The following LITAF variants were observed in gnomAD, a reference collection of about 807,000 sequenced individuals.
LITAF encodes the protein lipopolysaccharide-induced tumor necrosis factor-alpha factor.
LITAF carries 9 observed loss-of-function variants against 14.5 expected under a neutral mutation model. The ratio of observed to expected loss-of-function variants is 0.62; its 90% confidence interval spans 0.37 to 1.08. The LOEUF (loss-of-function observed/expected upper bound fraction) is 1.08, where lower values mean the gene tolerates loss of function less well. Ranked by LOEUF, LITAF falls within the 50% of genes least tolerant of loss-of-function variation. LITAF has a pLI of 0.01. For synonymous variants in LITAF, 98 were observed against 88.2 expected, an observed-to-expected ratio of 1.11 and a Z score of -0.62; for missense variants, 206 against 213.4, an observed-to-expected ratio of 0.97 and a Z score of 0.22.
chr16:11,596,125 T>C (rs1363179423), intron 1 of LITAF, among the ~76,000 whole-genome samples: 1 of 152,114 alleles, frequency 6.6e-6, no homozygotes, highest in Non-Finnish European at 1.5e-5. Context: ...CTGTAATTAA[T>C]GGGTCAACCC....
chr16:11,623,402 C>T (rs1007010331), intron 3 of LITAF, among the ~76,000 whole-genome samples: 1 of 152,004 alleles, frequency 6.6e-6, no homozygotes, highest in Non-Finnish European at 1.5e-5. Context: ...TGGCTCACAC[C>T]TGTAACCCCA....
intron 1 of LITAF, among the ~76,000 whole-genome samples, chr16:11,592,451 C>T (rs947935369): frequency 6.6e-6 from 1 of 151,912 alleles, no homozygotes; most frequent in African/African-American, 2.4e-5. Flanking sequence ...TGACAGGCAC[C>T]TGTGGTCCCA....
intron 3 of LITAF, among the ~76,000 whole-genome samples, chr16:11,613,524 A>G (rs1408975121): frequency 6.6e-6 from 1 of 152,178 alleles, no homozygotes; most frequent in Non-Finnish European, 1.5e-5. Flanking sequence ...GTGATTCACA[A>G]TCTTCCCTAG....
upstream of LITAF, among the ~76,000 whole-genome samples, chr16:11,598,723 G>C (rs1423917274): frequency 1.3e-5 from 2 of 152,140 alleles, no homozygotes; most frequent in East Asian, 3.8e-4. Context: ...CTCCCTTCCA[G>C]AACCTATGTT....
chr16:11,589,619 C>CTT (rs60950577), upstream of LITAF, among the ~76,000 whole-genome samples: 531 of 103,868 alleles, frequency 5.1e-3, 13 homozygotes, highest in East Asian at 6.9e-3. Context: ...AAATCAGTTG[C>CTT]TTTTTTTTTT....
At chr16:11,639,318 G>T (rs1389985211), upstream of LITAF, among the ~76,000 whole-genome samples, 1 of 151,116 alleles carries the variant, frequency 6.6e-6, no homozygotes, top group African/African-American at 2.4e-5. Context: ...GATAGACGGG[G>T]CATGGATAGA....
rs2141841408 is a variant in LITAF, at chr16:11,586,101, A to C, written c.-6+785T>G. 1 of 152,542 alleles carries C rather than the reference A, an allele frequency of 6.6e-6. No homozygotes were observed. Among genetic ancestry groups the C allele is most frequent in the East Asian group, 1.9e-4 (1 of 5,184 alleles). The allele number at this position is 152,542 out of a possible 1,614,324, so 9.4% of individuals were successfully genotyped here. On this transcript the variant is annotated intron_variant, in intron 1 of 3. Coordinates refer to ENST00000622633, the MANE Select transcript of LITAF (RefSeq NM_001136472.2). This position sits in a 1 kb window ranked among gnomAD's most constrained non-coding sequence, Gnocchi z 6.5. ...GCCTAGCTTGGCAGGGAGGGGCGAG[A>C]TCCACTTCTGCCACCAGTCACCAGC... is the stretch of plus-strand genomic sequence containing the variant.
At chr16:11,573,260 A>T (rs1300710089) in intron 1 of LITAF, among the ~76,000 whole-genome samples, 1 of 152,106 alleles carries the variant, frequency 6.6e-6, no homozygotes, top group Admixed American at 6.6e-5. Context: ...CCCATAACCA[A>T]TGCCATGATA....
chr16:11,559,340 A>G (rs556215665), intron 1 of LITAF, among the ~76,000 whole-genome samples: 1 of 152,190 alleles, frequency 6.6e-6, no homozygotes, highest in Non-Finnish European at 1.5e-5. Flanking sequence ...TTACTTGCCA[A>G]TGAATTTTTA....
At chr16:11,592,234 A>T (rs1339760522), upstream of LITAF, among the ~76,000 whole-genome samples, 8 of 152,202 alleles carry the variant, frequency 5.3e-5, no homozygotes, top group Non-Finnish European at 1.0e-4. Context: ...TTATATAAAG[A>T]ACTTTTACAA....
At chr16:11,626,718 C>T (rs2065086154) in intron 3 of LITAF, among the ~76,000 whole-genome samples, 2 of 151,930 alleles carry the variant, frequency 1.3e-5, no homozygotes, top group African/African-American at 2.4e-5. Flanking sequence ...GTGATCCGCC[C>T]ACCTTGGCCT....
intron 1 of LITAF, among the ~76,000 whole-genome samples, chr16:11,579,405 T>C (rs1324491621): frequency 6.6e-6 from 1 of 151,350 alleles, no homozygotes; most frequent in Non-Finnish European, 1.5e-5. Flanking sequence ...GAGCCGAGAT[T>C]GCGCCACTGC....
chr16:11,623,754 G>C (rs774975340), intron 3 of LITAF, among the ~76,000 whole-genome samples: 1 of 151,950 alleles, frequency 6.6e-6, no homozygotes, highest in Non-Finnish European at 1.5e-5. Context: ...ATTACCTGAG[G>C]TCAGGAGTTC....
upstream of LITAF, among the ~76,000 whole-genome samples, chr16:11,599,809 T>C (rs1319229176): frequency 1.3e-5 from 2 of 152,118 alleles, no homozygotes; most frequent in African/African-American, 4.8e-5. Context: ...CTCAGGACCT[T>C]TGCACGGCTG....
upstream of LITAF, among the ~76,000 whole-genome samples, chr16:11,588,949 T>C (rs575466607): frequency 2.0e-5 from 3 of 152,170 alleles, no homozygotes; most frequent in East Asian, 1.9e-4. Flanking sequence ...GCCTGAATTT[T>C]CTTCTGTCCT....
intron 3 of LITAF, among the ~76,000 whole-genome samples, chr16:11,626,541 T>C (rs1336338775): frequency 1.3e-5 from 2 of 152,100 alleles, no homozygotes; most frequent in African/African-American, 4.8e-5. Context: ...AATTTCACCA[T>C]ATTGGCCAGG....
chr16:11,593,032 G>C (rs1475432171), intron 1 of LITAF, among the ~76,000 whole-genome samples: 1 of 152,078 alleles, frequency 6.6e-6, no homozygotes, highest in African/African-American at 2.4e-5. Context: ...TTAGCCGGGC[G>C]TTATGGCAGG....
At chr16:11,588,741 G>A (rs148850656), upstream of LITAF, among the ~76,000 whole-genome samples, 26 of 151,994 alleles carry the variant, frequency 1.7e-4, no homozygotes, top group African/African-American at 6.3e-4. Context: ...CCATTGCTAG[G>A]GAGACATAAC....
At chr16:11,596,473 G>GA (rs2141857708) in intron 1 of LITAF, among the ~76,000 whole-genome samples, 2 of 90,028 alleles carry the variant, frequency 2.2e-5, no homozygotes, top group East Asian at 3.6e-4. Flanking sequence ...AGGAGGAAGA[G>GA]AGAAGTAAGG....
Sources: allele counts gnomAD v4.1 joint callset (sites outside exome capture counted in the v4.1 genomes callset), GRCh38; gene constraint gnomAD v4.1.1; non-coding constraint Gnocchi (gnomAD v3.1); transcripts MANE v1.5; gene names NCBI Gene and HGNC (gene_info 2026-07-23, HGNC 2026-07-21).